The following JARID2 variants were observed in gnomAD, a reference collection of about 807,000 sequenced individuals.
The protein encoded by JARID2 is jumonji and AT-rich interaction domain containing 2, also known as protein Jumonji.
JARID2 carries 21 observed loss-of-function variants against 125.6 expected under a neutral mutation model. The observed-to-expected ratio is 0.17, with a 90% CI of 0.12 to 0.24. The LOEUF is 0.24. JARID2 is among the 10% of genes least tolerant of loss of function. The pLI is 1.00. For synonymous variants in JARID2, 736 were observed against 661.6 expected (o/e 1.11, Z -1.73); for missense variants, 1,303 against 1,639.6 (o/e 0.79, Z 3.55).
chr6:15,327,323 A>G (rs1288639330), intron 1 of JARID2, among the ~76,000 whole-genome samples: 4 of 152,066 alleles, frequency 2.6e-5, no homozygotes, highest in Non-Finnish European at 4.4e-5. Flanking sequence ...AGCTGGCTGC[A>G]TAGGTGCCTT....
chr6:15,516,622 C>T (rs1260483429), intron 16 of JARID2, among the ~76,000 whole-genome samples: 3 of 152,202 alleles, frequency 2.0e-5, no homozygotes, highest in South Asian at 2.1e-4. Context: ...CGTTGGACGC[C>T]GCTTGCTCTG....
intron 3 of JARID2, among the ~76,000 whole-genome samples, chr6:15,419,632 T>C (rs564973190): frequency 3.3e-5 from 5 of 152,352 alleles, no homozygotes; most frequent in African/African-American, 1.2e-4. Context: ...ACACCTTCAT[T>C]TCTTATAGAT....
intron 2 of JARID2, among the ~76,000 whole-genome samples, chr6:15,386,614 G>A (rs552574792): frequency 3.3e-5 from 5 of 152,324 alleles, no homozygotes; most frequent in African/African-American, 1.2e-4. Flanking sequence ...GAGCCACTTC[G>A]CCTGGCCGGT....
intron 15 of JARID2, 67 bp from the exon 16 acceptor site, chr6:15,513,172 T>C (rs1771361741): frequency 8.3e-6 from 13 of 1,564,854 alleles, no homozygotes; most frequent in Non-Finnish European, 1.0e-5. Flanking sequence ...GGGGTGCGTG[T>C]GTCCCCTCTG....
chr6:15,285,626 G>T (rs891257358), intron 1 of JARID2, among the ~76,000 whole-genome samples: 1 of 152,124 alleles, frequency 6.6e-6, no homozygotes, highest in Admixed American at 6.6e-5. Context: ...TTGCTTTCAT[G>T]CGTGGACTTT....
At chr6:15,259,630 G>A (rs1051433070) in intron 1 of JARID2, among the ~76,000 whole-genome samples, 1 of 152,158 alleles carries the variant, frequency 6.6e-6, no homozygotes, top group Non-Finnish European at 1.5e-5. Flanking sequence ...GCTAGGGCTC[G>A]CTCATCTGCA....
At chr6:15,325,044 C>CTT (rs147509046) in intron 1 of JARID2, among the ~76,000 whole-genome samples, 5 of 150,916 alleles carry the variant, frequency 3.3e-5, no homozygotes, top group African/African-American at 1.2e-4. Context: ...TTTATAATTT[C>CTT]TTTTTTTTTC....
chr6:15,268,256 GA>G (rs1297864763), intron 1 of JARID2, among the ~76,000 whole-genome samples: 2 of 152,186 alleles, frequency 1.3e-5, no homozygotes, highest in Non-Finnish European at 1.5e-5. Context: ...TTATCTTTGT[GA>G]ACTTTTGCTG....
intron 16 of JARID2, among the ~76,000 whole-genome samples, chr6:15,516,081 T>C (rs1771545621): frequency 6.6e-6 from 1 of 152,192 alleles, no homozygotes; most frequent in Non-Finnish European, 1.5e-5. Context: ...CTTGGATTAC[T>C]AATACATTTG....
intron 1 of JARID2, among the ~76,000 whole-genome samples, chr6:15,298,081 G>T (rs904235470): frequency 6.6e-6 from 1 of 152,142 alleles, no homozygotes; most frequent in Non-Finnish European, 1.5e-5. Flanking sequence ...TAGTAGCCAA[G>T]ACATTTTAGG....
rs564677325 is a variant in JARID2 at position 15,300,790 on chromosome 6, C to CT, written c.45+54209dup. On this transcript the variant is annotated intron_variant, in intron 1 of 17. Coordinates refer to ENST00000341776, the MANE Select transcript of JARID2 (RefSeq NM_004973.4). ...GGAGAAAGGGAGCAAGCAGTCCCCCCTTTATGTATGATTCTTAGAGGTGTT... is the reference window on the plus strand; with the variant it reads ...GGAGAAAGGGAGCAAGCAGTCCCCCCTTTTATGTATGATTCTTAGAGGTGTT... 3.6e-3 allele frequency among the ~76,000 whole-genome samples: 546 copies of CT among 151,266 alleles called. 2 individuals are homozygous for CT. The highest frequency in any genetic ancestry group is 0.024 in the Middle Eastern group (7 of 292).
rs767993155 is a variant in JARID2, at chr6:15,496,581, G to C, written c.1356G>C (p.Lys452Asn). ...TGGAAGAGGCACACCAGGCGGAGAA[G>C]CCGCAGTCGCCCCCCAAGAAGATGA... Reference protein sequence around the residue: ...RRLEEAHQAEKPQSPPKKMKG... With the variant: ...RRLEEAHQAENPQSPPKKMKG... The change falls in exon 7 of 18, where the codon AAG becomes AAC. Residue 452 changes from lysine to asparagine, a missense_variant. Transcript: ENST00000341776. 2.5e-5 allele frequency: 40 copies of C among 1,602,674 alleles called. No homozygotes were observed. In the Admixed American group the frequency reaches 6.6e-4, roughly 26 times the overall value.
intron 4 of JARID2, among the ~76,000 whole-genome samples, chr6:15,468,338 ATCT>A (rs1200806806): frequency 6.6e-6 from 1 of 151,930 alleles, no homozygotes; most frequent in African/African-American, 2.4e-5. Context: ...TCTATTTTGC[ATCT>A]TCTTCCTGCT....
chr6:15,476,408 A>G (rs1769343836), intron 5 of JARID2, among the ~76,000 whole-genome samples: 2 of 152,212 alleles, frequency 1.3e-5, no homozygotes, highest in South Asian at 4.1e-4. Context: ...GTGTCCTGCC[A>G]TCAGCTTCCA....
chr6:15,358,417 C>G (rs999417338), intron 1 of JARID2, among the ~76,000 whole-genome samples: 2 of 152,184 alleles, frequency 1.3e-5, no homozygotes, highest in African/African-American at 4.8e-5. Context: ...TTTCCCGATA[C>G]TGGTACTAAC....
chr6:15,481,396 C>G (rs768348878), intron 5 of JARID2, among the ~76,000 whole-genome samples: 10 of 152,190 alleles, frequency 6.6e-5, no homozygotes, highest in Admixed American at 1.3e-4. Context: ...GACTTCTATA[C>G]ATTGAACTTT....
intron 1 of JARID2, among the ~76,000 whole-genome samples, chr6:15,291,379 T>C (rs939025513): frequency 7.2e-5 from 11 of 152,262 alleles, no homozygotes; most frequent in African/African-American, 2.7e-4. Context: ...TCCCTCACTT[T>C]TCACACATGG....
chr6:15,518,006 G>A (rs781273492), intron 17 of JARID2, among the ~76,000 whole-genome samples: 2 of 152,270 alleles, frequency 1.3e-5, no homozygotes, highest in Non-Finnish European at 2.9e-5. Context: ...GTGGGGCCAA[G>A]TGGTGGGTCT....
At chr6:15,513,463 C>T (rs1411366690) in intron 16 of JARID2, 41 bp downstream of exon 16, 2 of 1,548,738 alleles carry the variant, frequency 1.3e-6, no homozygotes, top group Non-Finnish European at 8.8e-7. Context: ...GCATGTAGTG[C>T]TTGGCCTGAG....
Sources: allele counts gnomAD v4.1 joint callset (sites outside exome capture counted in the v4.1 genomes callset), GRCh38; gene constraint gnomAD v4.1.1; transcripts MANE v1.5; gene names NCBI Gene and HGNC (gene_info 2026-07-23, HGNC 2026-07-21).